Variants in ANKLE2 observed in about 807,000 individuals in gnomAD.
ANKLE2 encodes the protein ankyrin repeat and LEM domain containing 2.
In ANKLE2, 55 loss-of-function variants were observed where a neutral mutation model predicts 84.2. The ratio of observed to expected loss-of-function variants is 0.65; its 90% confidence interval spans 0.53 to 0.82. ANKLE2 has a LOEUF of 0.82. Ranked by LOEUF, ANKLE2 falls within the 40% of genes least tolerant of loss-of-function variation. The probability of loss-of-function intolerance (pLI) is 0.00; values close to 1 mark genes in which losing one functional copy is unlikely to be tolerated. For synonymous variants in ANKLE2, 551 were observed against 486.1 expected (o/e 1.13, Z -1.76); for missense variants, 1,238 against 1,201.9 (o/e 1.03, Z -0.44).
At chr12:132,746,011 C>T (rs554436471) in intron 5 of ANKLE2, among the ~76,000 whole-genome samples, 25 of 152,232 alleles carry the variant, frequency 1.6e-4, no homozygotes, top group African/African-American at 5.5e-4. Context: ...GTGGACAGGG[C>T]GGAGGATTTG....
Position 132,747,931 on chromosome 12 carries a change from A to G in ANKLE2, c.1131T>C (p.Pro377=). ...CAGGGTACATCAGCCTCATGAAGTC[A>G]GGGTTCTCCAGGACGTCCAGAGTCA... ...CQLTLDVLEN[P]DFMRLMYPDD... The change falls in exon 5 of 13, where the codon CCT becomes CCC. Residue 377 remains proline, a synonymous_variant. Coordinates refer to ENST00000357997, the MANE Select transcript of ANKLE2 (RefSeq NM_015114.3). 6.2e-7 allele frequency: 1 copy of G among 1,600,562 alleles called. No individual in the cohort carries two copies. Among genetic ancestry groups the G allele is most frequent in the Non-Finnish European group, 8.5e-7 (1 of 1,176,824 alleles).
intron 12 of ANKLE2, 72 bp downstream of exon 12, chr12:132,727,960 A>G: frequency 1.3e-6 from 2 of 1,538,438 alleles, no homozygotes; most frequent in Non-Finnish European, 1.7e-6. Flanking sequence ...GGTTCGCATG[A>G]AGTGGAACTG....
intron 5 of ANKLE2, among the ~76,000 whole-genome samples, 162 bp downstream of exon 5, chr12:132,747,670 T>C (rs1446195005): frequency 6.6e-6 from 1 of 152,212 alleles, no homozygotes; most frequent in Non-Finnish European, 1.5e-5. Flanking sequence ...GTGCCCTTTG[T>C]CCAGTGGGAT....
intron 11 of ANKLE2, among the ~76,000 whole-genome samples, chr12:132,729,098 A>G (rs2043769459): frequency 6.6e-6 from 1 of 151,756 alleles, no homozygotes; most frequent in Non-Finnish European, 1.5e-5. Context: ...CACGCCTGTG[A>G]TCCCAACACT....
chr12:132,761,758 A>C lies in ANKLE2; in HGVS notation c.41T>G (p.Leu14Arg). The stretch of plus-strand genomic sequence containing the variant: ...CGAGGCGCCCAGCAGCTCCCAGGCC[A>C]GCGCCGCCCACTCGGCCGCCGCCAG... ...PRLAAAEWAA[L>R]AWELLGASVL... Residue 14 changes from leucine to arginine, a missense_variant, in exon 1 of 13, where the codon CTG (leucine) becomes CGG (arginine). By Grantham distance (102) the Leu-to-Arg change is moderately radical (BLOSUM62 -2). This residue lies in a region of ANKLE2 where 422 missense variants were observed against 394.5 expected (regional missense o/e 1.07). Transcript: ENST00000357997. 8.3e-7 allele frequency: 1 copy of C among 1,206,034 alleles called. No individual in the cohort carries two copies. Among genetic ancestry groups the C allele is most frequent in the Non-Finnish European group, 1.0e-6 (1 of 971,128 alleles). 74.7% of individuals were successfully genotyped at this position (1,206,034 alleles called of 1,614,324 possible).
rs747400711 is a variant in ANKLE2 at position 132,747,877 on chromosome 12, A to C, written c.1185T>G (p.Arg395=). ...GGTACAGGTCCACCACGTAACGGAT[A>C]CGCTTCTGCAGCATGGCCTCGTCGT... ...PDDDEAMLQK[R]IRYVVDLYLN... is the part of the protein sequence containing the mutation. Residue 395 remains arginine (R), a synonymous_variant, in exon 5 of 13, where the codon CGT becomes CGG. Coordinates refer to ENST00000357997, the MANE Select transcript of ANKLE2 (RefSeq NM_015114.3). 54 of 1,611,368 alleles carry C rather than the reference A, an allele frequency of 3.4e-5. 1 individual carries two copies. Among genetic ancestry groups the C allele is most frequent in the Non-Finnish European group, 4.1e-5 (48 of 1,179,392 alleles).
At chr12:132,741,360 C>T (rs375894916) in intron 7 of ANKLE2, 59 bp downstream of exon 7, 83 of 1,557,682 alleles carry the variant, frequency 5.3e-5, no homozygotes, top group South Asian at 5.6e-5. Context: ...TGTCCCCCAA[C>T]GCTCCAAGGC....
chr12:132,727,877 G>A (rs1372172680), intron 12 of ANKLE2, among the ~76,000 whole-genome samples, 155 bp downstream of exon 12: 1 of 152,208 alleles, frequency 6.6e-6, no homozygotes, highest in East Asian at 1.9e-4. Flanking sequence ...TCTGTCCTGT[G>A]TGCAGAGAGC....
intron 1 of ANKLE2, 59 bp downstream of exon 1, chr12:132,761,559 G>A (rs951567320): frequency 5.9e-6 from 7 of 1,179,180 alleles, no homozygotes; most frequent in Non-Finnish European, 6.3e-6. Context: ...GGCCCGAGGA[G>A]GGCGTCGGGG....
chr12:132,727,141 A>G lies in ANKLE2; in HGVS notation c.*101T>C. On this transcript the variant is annotated 3_prime_UTR_variant, in exon 13 of 13. Coordinates refer to ENST00000357997, the MANE Select transcript of ANKLE2 (RefSeq NM_015114.3). The stretch of plus-strand genomic sequence containing the variant: ...TCTCACACCCTCAAAGTGAGGAGTA[A>G]TAATTTAATCAGAATATATTCCTTT... 8.2e-7 allele frequency: 1 copy of G among 1,222,678 alleles called. No homozygotes were observed. Among genetic ancestry groups the G allele is most frequent in the East Asian group, 2.6e-5 (1 of 38,816 alleles). The allele number at this position is 1,222,678 out of a possible 1,614,324, so 75.7% of individuals were successfully genotyped here. A position where few individuals can be genotyped will look rare whatever the true frequency, so the allele number is the denominator to read the frequency against.
Position 132,741,408 on chromosome 12 carries a change from C to T in ANKLE2, c.1420+11G>A, listed in dbSNP as rs752557534. On this transcript the variant is annotated intron_variant, in intron 7 of 12. Coordinates refer to ENST00000357997, the MANE Select transcript of ANKLE2 (RefSeq NM_015114.3). The stretch of plus-strand genomic sequence containing the variant: ...GGACCCCACGATCCAGGCACCAACT[C>T]CCCATCTTACCCTTTAAATACTCTC... 14 of 1,613,900 alleles carry T rather than the reference C, an allele frequency of 8.7e-6. No homozygotes were observed. Among genetic ancestry groups the T allele is most frequent in the Non-Finnish European group, 1.2e-5 (14 of 1,179,918 alleles).
chr12:132,733,531 C>T (rs1221798950), intron 10 of ANKLE2, among the ~76,000 whole-genome samples: 650 of 56,512 alleles, frequency 0.012, no homozygotes, highest in Middle Eastern at 0.028. Context: ...CGTGCTGGTG[C>T]CTGATATGCA....
chr12:132,747,772 T>A, intron 5 of ANKLE2, 60 bp downstream of exon 5: 1 of 1,558,078 alleles, frequency 6.4e-7, no homozygotes, highest in Admixed American at 2.3e-5. Context: ...AAGCATTCTT[T>A]TGGGGAAAGA....
intron 11 of ANKLE2, among the ~76,000 whole-genome samples, chr12:132,728,531 T>C (rs1358662183): frequency 1.3e-5 from 2 of 152,006 alleles, no homozygotes. Flanking sequence ...CCCAGACAAA[T>C]ATCACTACAT....
chr12:132,761,566 G>A, intron 1 of ANKLE2, 52 bp downstream of exon 1: 5 of 1,194,582 alleles, frequency 4.2e-6, no homozygotes, highest in Non-Finnish European at 4.2e-6. Flanking sequence ...GGAGGGCGTC[G>A]GGGCGGGGAA....
chr12:132,752,978 C>T (rs565134558), intron 2 of ANKLE2, among the ~76,000 whole-genome samples: 1 of 146,966 alleles, frequency 6.8e-6, no homozygotes, highest in South Asian at 2.2e-4. Context: ...AGCAATAAAG[C>T]GAGACCCAGT....
chr12:132,752,774 TAAC>T (rs1285761847), intron 2 of ANKLE2, among the ~76,000 whole-genome samples: 1 of 152,218 alleles, frequency 6.6e-6, no homozygotes, highest in Non-Finnish European at 1.5e-5. Flanking sequence ...ATCACAGTAA[TAAC>T]AATACTCATA....
At chr12:132,732,352 C>CTGATACGCACCGTGAAGCGCTCTGCGTG (rs2043881571) in intron 10 of ANKLE2, 1 of 47,746 alleles carries the variant, frequency 2.1e-5, no homozygotes, top group African/African-American at 7.1e-5. Flanking sequence ...CTCTCTGCGT[C>CTGATACGCACCGTGAAGCGCTCTGCGTG]CTGGTGTCTG....
At chr12:132,751,890 T>C (rs965549562) in intron 2 of ANKLE2, among the ~76,000 whole-genome samples, 3 of 151,996 alleles carry the variant, frequency 2.0e-5, no homozygotes, top group Non-Finnish European at 4.4e-5. Context: ...AACAAGATAA[T>C]CCTGATTATA....
Sources: allele counts gnomAD v4.1 joint callset (sites outside exome capture counted in the v4.1 genomes callset), GRCh38; gene constraint gnomAD v4.1.1; regional missense constraint gnomAD v4.1.1; transcripts MANE v1.5; gene names NCBI Gene and HGNC (gene_info 2026-07-23, HGNC 2026-07-21).